The following SPTB variants were observed in gnomAD, a reference collection of about 807,000 sequenced individuals.
SPTB encodes the protein spectrin beta, erythrocytic.
In SPTB, 45 loss-of-function variants were observed where a neutral mutation model predicts 256.2. The observed-to-expected ratio is 0.18, with a 90% CI of 0.14 to 0.23. SPTB has a LOEUF of 0.23. SPTB is among the 10% of genes least tolerant of loss of function. The pLI, the probability that SPTB is intolerant of heterozygous loss-of-function variation, is 1.00. For missense variants in SPTB, 2,715 were observed against 3,040.4 expected (o/e 0.89, Z 2.52); for synonymous variants, 1,231 against 1,243.1 (o/e 0.99, Z 0.21).
rs747235133 is a variant in SPTB, at chr14:64,793,002, C to G, written c.2661G>C (p.Gln887His). 6.2e-7 allele frequency: 1 copy of G among 1,613,960 alleles called. No individual in the cohort carries two copies. Among genetic ancestry groups the G allele is most frequent in the South Asian group, 1.1e-5 (1 of 91,086 alleles). Residue 887 changes from glutamine (Q) to histidine (H), a missense_variant, in exon 14 of 36, where the codon CAG (glutamine) becomes CAC (histidine). By Grantham distance (24) the Gln-to-His change is conservative (BLOSUM62 0). Coordinates refer to ENST00000644917, the MANE Select transcript of SPTB (RefSeq NM_001355436.2). This position sits in a 1 kb window ranked among gnomAD's most constrained non-coding sequence, Gnocchi z 7.0. Reference sequence around the variant, plus strand: ...AAAGATGAGTTAACTCTGACCTGTGCTGCACGACCTCCAGGTCCTCCAGGG... The same window carrying G: ...AAAGATGAGTTAACTCTGACCTGTGGTGCACGACCTCCAGGTCCTCCAGGG... ...PDTLEDLEVV[Q>H]HRFDILDQEM...
intron 23 of SPTB, 37 bp from the exon 24 acceptor site, chr14:64,774,564 C>T (rs1284144730): frequency 1.3e-6 from 2 of 1,551,340 alleles, no homozygotes; most frequent in Non-Finnish European, 1.7e-6. Flanking sequence ...AGAGCTCAGT[C>T]TGGCCATGAT....
chr14:64,751,498 A>G (rs1487584956), intron 33 of SPTB, among the ~76,000 whole-genome samples: 1 of 152,192 alleles, frequency 6.6e-6, no homozygotes, highest in African/African-American at 2.4e-5. Context: ...GATGAACCTT[A>G]TAATACTGGA....
intron 9 of SPTB, among the ~76,000 whole-genome samples, chr14:64,799,408 C>T (rs1239170756): frequency 6.6e-6 from 1 of 152,250 alleles, no homozygotes; most frequent in African/African-American, 2.4e-5. Context: ...AACAAGCCCA[C>T]AGCTCAGTGG....
chr14:64,750,198 T>C (rs1282022329), intron 33 of SPTB, 44 bp from the exon 34 acceptor site: 2 of 1,597,186 alleles, frequency 1.3e-6, no homozygotes, highest in African/African-American at 2.7e-5. Flanking sequence ...CCTGATATGG[T>C]ATCTCTAGAG....
At chr14:64,773,959 A>G (rs2082317358) in intron 24 of SPTB, among the ~76,000 whole-genome samples, 1 of 152,198 alleles carries the variant, frequency 6.6e-6, no homozygotes, top group Non-Finnish European at 1.5e-5. Context: ...CCATTTATGC[A>G]GGATCCACAA....
Position 64,795,459 on chromosome 14 carries a change from G to T in SPTB, c.1522C>A (p.Arg508Ser). ...RITARKDNIL[R>S]LWSYLQELLQ... ...AGCTCCTGCAGGTAGCTCCATAGGC[G>T]CAGTATATTGTCCTTGCGGGCCGTG... The change falls in exon 12 of 36, where the codon CGC (arginine) becomes AGC (serine). Residue 508 changes from arginine (R) to serine (S), a missense_variant. Physicochemically the swap from Arg to Ser is moderately radical, Grantham distance 110 (BLOSUM62 -1). Around this residue, in one of 4 missense-constraint regions of SPTB, gnomAD observed 2,239 missense variants for 2,384.4 expected, o/e 0.94. Transcript: ENST00000644917. The surrounding 1 kb of genome is among the most constrained non-coding windows in gnomAD (Gnocchi z 6.5). 3 of 1,614,192 alleles carry T rather than the reference G, an allele frequency of 1.9e-6. No homozygotes were observed. The highest frequency in any genetic ancestry group is 2.5e-6 in the Non-Finnish European group (3 of 1,180,038).
At chr14:64,860,884 A>T (rs2083955972) in intron 1 of SPTB, among the ~76,000 whole-genome samples, 2 of 152,226 alleles carry the variant, frequency 1.3e-5, no homozygotes, top group African/African-American at 4.8e-5. Context: ...ACCTATAGGA[A>T]TATAAATCAT....
Position 64,786,508 on chromosome 14 carries a change from G to T in SPTB, c.3457C>A (p.Leu1153Met). Residue 1153 changes from leucine (L) to methionine (M), a missense_variant, in exon 16 of 36, where the codon CTG becomes ATG. Leu to Met is a conservative substitution (Grantham distance 15). Around this residue, in one of 4 missense-constraint regions of SPTB, gnomAD observed 2,239 missense variants for 2,384.4 expected, o/e 0.94. Transcript: ENST00000644917. This position sits in a 1 kb window ranked among gnomAD's most constrained non-coding sequence, Gnocchi z 5.6. ...CTGCGGCTCTCCCACATCCTGCCCA[G>T]GGCATTCCAGCCAGTATCCAGGCCC... ...LEGLDTGWNA[L>M]GRMWESRSHT... 6.2e-7 allele frequency: 1 copy of T among 1,614,064 alleles called. No individual in the cohort carries two copies. Among genetic ancestry groups the T allele is most frequent in the Non-Finnish European group, 8.5e-7 (1 of 1,180,006 alleles).
chr14:64,832,084 T>C (rs1027013874), intron 1 of SPTB, among the ~76,000 whole-genome samples: 1 of 152,110 alleles, frequency 6.6e-6, no homozygotes, highest in Non-Finnish European at 1.5e-5. Flanking sequence ...AGAAGTATGA[T>C]GACCTCAGCC....
rs1419512715 is a variant in SPTB, at chr14:64,790,659, C to CT, written c.2804+1059dup. On this transcript the variant is annotated intron_variant, in intron 15 of 35. Transcript: ENST00000644917. The surrounding 1 kb of genome is among the most constrained non-coding windows in gnomAD (Gnocchi z 4.8). Reference sequence around the variant, plus strand: ...CCGATCCCTTTCTTTACAATGGAGTCTTCCCTAGGCCCACCTCCCAGATTG... The same window carrying CT: ...CCGATCCCTTTCTTTACAATGGAGTCTTTCCCTAGGCCCACCTCCCAGATTG... Among the ~76,000 whole-genome samples the CT allele has an allele frequency of 2.6e-5, 4 of 152,218 alleles. No homozygotes were observed. Among genetic ancestry groups the CT allele is most frequent in the Admixed American group, 6.5e-5 (1 of 15,284 alleles).
chr14:64,782,621 T>A, intron 19 of SPTB, 68 bp from the exon 20 acceptor site: 1 of 1,604,976 alleles, frequency 6.2e-7, no homozygotes, highest in South Asian at 1.1e-5. Context: ...CTGCTCCTGA[T>A]GGTTGCAAGA....
rs1407358375 is a variant in SPTB, at chr14:64,758,294, G to A, written c.6346-4501C>T. Among the ~76,000 whole-genome samples the A allele has an allele frequency of 6.6e-6, 1 of 152,254 alleles. No individual in the cohort carries two copies. The highest frequency in any genetic ancestry group is 2.4e-5 in the African/African-American group (1 of 41,472). On this transcript the variant is annotated intron_variant, in intron 32 of 35. Transcript: ENST00000644917. The surrounding 1 kb of genome is among the most constrained non-coding windows in gnomAD (Gnocchi z 4.6). ...ATGGGGAATGGGAATCTCAGCCACTGGCAGGCAAGGCCTCAGCCCCTCCTT... is the reference window on the plus strand; with the variant it reads ...ATGGGGAATGGGAATCTCAGCCACTAGCAGGCAAGGCCTCAGCCCCTCCTT...
In SPTB at chr14:64,841,574, C is replaced by T. The variant is rs78511761; in HGVS notation, c.-51-18429G>A. Among the ~76,000 whole-genome samples the T allele has an allele frequency of 9.8e-4, 149 of 152,204 alleles. 5 individuals are homozygous for T. The East Asian group carries it at 0.025, about 26-fold the overall frequency. On this transcript the variant is annotated intron_variant, in intron 1 of 35. Coordinates refer to ENST00000644917, the MANE Select transcript of SPTB (RefSeq NM_001355436.2). The surrounding 1 kb of genome is among the most constrained non-coding windows in gnomAD (Gnocchi z 4.6). ...CAGAATGCACTGGGTCTCTAGCCTG[C>T]GTCAGATCCACATTTCTTGTGAGGA... is the stretch of plus-strand genomic sequence containing the variant.
rs1594783269 is a variant in SPTB at position 64,793,866 on chromosome 14, C to A, written c.1797G>T (p.Gly599=). 6.3e-7 allele frequency: 1 copy of A among 1,599,666 alleles called. No individual in the cohort carries two copies. Among genetic ancestry groups the A allele is most frequent in the Non-Finnish European group, 8.5e-7 (1 of 1,176,808 alleles). Reference sequence around the variant, plus strand: ...TGACCTGGGGGTCACAAGGCTGGTACCCTGGAAGAAATAGGGGGAAGGAGG... The same window carrying A: ...TGACCTGGGGGTCACAAGGCTGGTAACCTGGAAGAAATAGGGGGAAGGAGG... ...AATLKFTEGK[G]YQPCDPQVIQ... The change falls in exon 14 of 36, where the codon GGG becomes GGT. Residue 599 remains glycine (G), a splice_region_variant and synonymous_variant. Coordinates refer to ENST00000644917, the MANE Select transcript of SPTB (RefSeq NM_001355436.2). The surrounding 1 kb of genome is among the most constrained non-coding windows in gnomAD (Gnocchi z 7.0).
chr14:64,749,173 G>GT lies in SPTB; in HGVS notation c.*132dup. ...GCGAAGGCAGCTTTTGCAGTGCAGC[G>GT]TGGGGCCCGGGGGCCCGGCCCGCGA... is the stretch of plus-strand genomic sequence containing the variant. On this transcript the variant is annotated 3_prime_UTR_variant, in exon 36 of 36. Coordinates refer to ENST00000644917, the MANE Select transcript of SPTB (RefSeq NM_001355436.2). The surrounding 1 kb of genome is among the most constrained non-coding windows in gnomAD (Gnocchi z 4.7). 1.8e-6 allele frequency: 2 copies of GT among 1,113,406 alleles called. No homozygotes were observed. The highest frequency in any genetic ancestry group is 2.7e-5 in the East Asian group (1 of 36,516). 69.0% of individuals were successfully genotyped at this position (1,113,406 alleles called of 1,614,324 possible).
Position 64,768,526 on chromosome 14 carries a change from T to A in SPTB, c.6022+508A>T, listed in dbSNP as rs540202863. 5.2e-3 allele frequency among the ~76,000 whole-genome samples: 789 copies of A among 152,210 alleles called. 8 individuals carry two copies. The highest frequency in any genetic ancestry group is 0.018 in the African/African-American group (752 of 41,518). ...TTGGCCCTTCTTGGCTCACAGCTCCTCCCTGAATGGTGGCTTTTCCCCACC... is the reference window on the plus strand; with the variant it reads ...TTGGCCCTTCTTGGCTCACAGCTCCACCCTGAATGGTGGCTTTTCCCCACC... On this transcript the variant is annotated intron_variant, in intron 29 of 35. Coordinates refer to ENST00000644917, the MANE Select transcript of SPTB (RefSeq NM_001355436.2).
intron 2 of SPTB, among the ~76,000 whole-genome samples, chr14:64,820,481 T>C (rs1213662284): frequency 6.6e-6 from 1 of 152,214 alleles, no homozygotes. Flanking sequence ...TGAAAGGACC[T>C]CAAACTTGCA....
Position 64,764,117 on chromosome 14 carries a change from C to A in SPTB, c.6345+2609G>T, listed in dbSNP as rs562791486. Reference sequence around the variant, plus strand: ...AGAGGACCAGCAGGAGAGCCACCATCCCCCAGGACTATCCCCAAGGGGAGG... The same window carrying A: ...AGAGGACCAGCAGGAGAGCCACCATACCCCAGGACTATCCCCAAGGGGAGG... On this transcript the variant is annotated intron_variant, in intron 32 of 35. Transcript: ENST00000644917. The surrounding 1 kb of genome is among the most constrained non-coding windows in gnomAD (Gnocchi z 4.2). Among the ~76,000 whole-genome samples the A allele has an allele frequency of 5.9e-5, 9 of 152,368 alleles. No individual in the cohort carries two copies. In the South Asian group the frequency reaches 1.9e-3, roughly 32 times the overall value.
intron 1 of SPTB, among the ~76,000 whole-genome samples, chr14:64,850,649 T>C (rs968592618): frequency 6.6e-6 from 1 of 152,210 alleles, no homozygotes; most frequent in South Asian, 2.1e-4. Flanking sequence ...ATAAGTAGAA[T>C]GCCAACAATT....
Sources: gnomAD v4.1 joint callset for allele counts (sites outside exome capture counted in the v4.1 genomes callset) on GRCh38, gnomAD v4.1.1 for gene constraint, gnomAD v4.1.1 regional missense constraint, Gnocchi (gnomAD v3.1) non-coding constraint, MANE v1.5 for transcripts, NCBI Gene and HGNC (gene_info 2026-07-23, HGNC 2026-07-21) for gene names.